Variants in MSI2 observed in about 807,000 individuals in gnomAD.
The protein encoded by MSI2 is RNA-binding protein Musashi homolog 2.
A neutral mutation model predicts 45.6 loss-of-function variants in MSI2; 17 were observed. The ratio of observed to expected loss-of-function variants is 0.37; its 90% confidence interval spans 0.26 to 0.56. The LOEUF (loss-of-function observed/expected upper bound fraction) is 0.56. Ranked by LOEUF, MSI2 falls within the 20% of genes least tolerant of loss-of-function variation. The pLI is 0.77. For synonymous variants in MSI2, 156 were observed against 158.2 expected (o/e 0.99, Z 0.11); for missense variants, 293 against 444.2 (o/e 0.66, Z 3.06).
chr17:57,372,374 G>A (rs757169143), intron 5 of MSI2, among the ~76,000 whole-genome samples: 34 of 152,294 alleles, frequency 2.2e-4, no homozygotes, highest in African/African-American at 6.5e-4. Context: ...CCAAGAAACC[G>A]CCACCACAGA....
chr17:57,629,434 T>TAAG (rs935411036), intron 10 of MSI2: 12 of 152,224 alleles, frequency 7.9e-5, no homozygotes, highest in African/African-American at 2.9e-4. Flanking sequence ...GTCTCAAAAA[T>TAAG]AAGAAGAAGA....
chr17:57,259,849 T>TGGC (rs1907146151), intron 4 of MSI2: 1 of 152,234 alleles, frequency 6.6e-6, no homozygotes, highest in Admixed American at 6.5e-5. Flanking sequence ...GTTTCTGTGG[T>TGGC]GGCTGGTGGG....
intron 5 of MSI2, among the ~76,000 whole-genome samples, chr17:57,270,508 C>G (rs1908260009): frequency 6.6e-6 from 1 of 152,234 alleles, no homozygotes. Context: ...GATAGTCTAG[C>G]TGGAAAGCTT....
At chr17:57,677,985 G>A (rs1913352709) in intron 13 of MSI2, among the ~76,000 whole-genome samples, 1 of 152,186 alleles carries the variant, frequency 6.6e-6, no homozygotes, top group Non-Finnish European at 1.5e-5. Context: ...GAAAAGAGAG[G>A]GTGACAGCTG....
At chr17:57,649,075 C>G (rs942445896) in intron 10 of MSI2, among the ~76,000 whole-genome samples, 1 of 152,194 alleles carries the variant, frequency 6.6e-6, no homozygotes, top group African/African-American at 2.4e-5. Flanking sequence ...CTCAGGCCAC[C>G]AGGATGTTTC....
At chr17:57,350,886 G>A (rs1167107410) in intron 5 of MSI2, among the ~76,000 whole-genome samples, 3 of 152,138 alleles carry the variant, frequency 2.0e-5, no homozygotes, top group South Asian at 2.1e-4. Context: ...GATTGAATGA[G>A]GGGATTGTTT....
intron 5 of MSI2, among the ~76,000 whole-genome samples, chr17:57,347,423 A>G (rs1915696853): frequency 6.6e-6 from 1 of 152,210 alleles, no homozygotes; most frequent in Non-Finnish European, 1.5e-5. Context: ...ATTTTAAGTG[A>G]AGAAAAGAAA....
chr17:57,610,166 A>G (rs1348186858), intron 8 of MSI2, among the ~76,000 whole-genome samples: 1 of 152,118 alleles, frequency 6.6e-6, no homozygotes, highest in African/African-American at 2.4e-5. Flanking sequence ...GGAAAAAAAA[A>G]TCCTGGCCAG....
chr17:57,342,084 T>C (rs1415985336), intron 5 of MSI2, among the ~76,000 whole-genome samples: 1 of 152,248 alleles, frequency 6.6e-6, no homozygotes, highest in Non-Finnish European at 1.5e-5. Context: ...AAGTAGATCC[T>C]ATTGCATCTA....
intron 9 of MSI2, among the ~76,000 whole-genome samples, chr17:57,621,402 A>C (rs1337102811): frequency 6.6e-6 from 1 of 152,252 alleles, no homozygotes; most frequent in Non-Finnish European, 1.5e-5. Context: ...GATTTTTTAG[A>C]AGTGAGACTA....
chr17:57,290,295 A>G (rs1322461371), intron 5 of MSI2, among the ~76,000 whole-genome samples: 2 of 152,102 alleles, frequency 1.3e-5, no homozygotes, highest in Non-Finnish European at 2.9e-5. Flanking sequence ...TGGTTACACT[A>G]TTCTTTTTAA....
the MSI2 span, among the ~76,000 whole-genome samples, chr17:57,700,506 T>A: frequency 6.6e-6 from 1 of 152,002 alleles, no homozygotes; most frequent in African/African-American, 2.4e-5. Flanking sequence ...TCTGTGAGAG[T>A]GCAGGTATGA....
At chr17:57,491,474 G>T (rs1445073350) in intron 6 of MSI2, among the ~76,000 whole-genome samples, 1 of 152,214 alleles carries the variant, frequency 6.6e-6, no homozygotes, top group East Asian at 1.9e-4. Context: ...CCAGCCTGGG[G>T]TTCAACATTT....
intron 5 of MSI2, among the ~76,000 whole-genome samples, chr17:57,284,552 G>A (rs1909704029): frequency 1.3e-5 from 2 of 152,160 alleles, no homozygotes; most frequent in Non-Finnish European, 1.5e-5. Flanking sequence ...GAATAAGTAC[G>A]AAGAGATGGG....
intron 7 of MSI2, among the ~76,000 whole-genome samples, chr17:57,595,571 C>T (rs778766001): frequency 6.6e-6 from 1 of 152,068 alleles, no homozygotes; most frequent in Non-Finnish European, 1.5e-5. Context: ...TGCATCCTCG[C>T]ATGGTAGAGA....
chr17:57,418,732 C>T (rs4583310), intron 6 of MSI2, among the ~76,000 whole-genome samples: 80,978 of 152,018 alleles, frequency 0.53, 22,578 homozygotes, highest in South Asian at 0.73. Flanking sequence ...CAGCTTTATG[C>T]GACGGGTCCT....
intron 5 of MSI2, among the ~76,000 whole-genome samples, chr17:57,335,568 C>G (rs1042038219): frequency 6.6e-6 from 1 of 152,224 alleles, no homozygotes; most frequent in African/African-American, 2.4e-5. Context: ...ATGCTGACTC[C>G]TGACATACAT....
intron 5 of MSI2, chr17:57,267,102 G>A (rs1254198479): frequency 2.0e-5 from 3 of 152,346 alleles, no homozygotes; most frequent in African/African-American, 7.2e-5. Context: ...TGTGGGTCGG[G>A]TCATTCTAGC....
At chr17:57,658,925 G>T (rs1030011237) in intron 11 of MSI2, among the ~76,000 whole-genome samples, 4 of 152,180 alleles carry the variant, frequency 2.6e-5, no homozygotes, top group Admixed American at 6.5e-5. Context: ...CCCTGGGCTG[G>T]GTGGGGGCAC....
Sources: allele counts gnomAD v4.1 joint callset (sites outside exome capture counted in the v4.1 genomes callset), GRCh38; gene constraint gnomAD v4.1.1; transcripts MANE v1.5; gene names NCBI Gene and HGNC (gene_info 2026-07-23, HGNC 2026-07-21).